Variants in DPP10 observed in about 807,000 individuals in gnomAD.
DPP10 encodes inactive dipeptidyl peptidase 10.
In DPP10, 33 loss-of-function variants were observed where a neutral mutation model predicts 120.9. That is an observed-to-expected ratio of 0.27 (90% CI 0.21 to 0.37). DPP10 has a LOEUF of 0.37. Ranked by LOEUF, DPP10 falls within the 10% of genes least tolerant of loss-of-function variation. The pLI is 1.00. For synonymous variants in DPP10, 337 were observed against 326.1 expected, an observed-to-expected ratio of 1.03 and a Z score of -0.36; for missense variants, 816 against 942.8, an observed-to-expected ratio of 0.87 and a Z score of 1.76.
intron 1 of DPP10, among the ~76,000 whole-genome samples, chr2:115,265,268 CAT>C (rs55778302): frequency 0.42 from 60,236 of 142,306 alleles, 13,413 homozygotes; most frequent in Non-Finnish European, 0.53. Context: ...CTTTGGATTC[CAT>C]ATATATATAT....
At chr2:115,188,294 G>A (rs146697383) in intron 1 of DPP10, among the ~76,000 whole-genome samples, 1 of 152,162 alleles carries the variant, frequency 6.6e-6, no homozygotes, top group African/African-American at 2.4e-5. Context: ...CAGGCAAAGA[G>A]CTAGTTGAGA....
intron 1 of DPP10, among the ~76,000 whole-genome samples, chr2:115,126,914 T>C (rs2050111235): frequency 6.6e-6 from 1 of 152,218 alleles, no homozygotes; most frequent in South Asian, 2.1e-4. Flanking sequence ...GATACCTACC[T>C]AAAACCACAA....
intron 1 of DPP10, among the ~76,000 whole-genome samples, chr2:115,187,649 T>C (rs561286804): frequency 6.6e-6 from 1 of 152,178 alleles, no homozygotes; most frequent in African/African-American, 2.4e-5. Flanking sequence ...ATGGAATCTG[T>C]AAATTTTAAA....
chr2:114,870,249 T>G (rs1286499238), intron 1 of DPP10, among the ~76,000 whole-genome samples: 2 of 152,208 alleles, frequency 1.3e-5, no homozygotes, highest in African/African-American at 2.4e-5. Flanking sequence ...CTTGATTTTC[T>G]TTTTAGTAAA....
At chr2:115,402,765 A>G (rs1232672613) in intron 3 of DPP10, among the ~76,000 whole-genome samples, 2 of 150,312 alleles carry the variant, frequency 1.3e-5, no homozygotes, top group East Asian at 1.9e-4. Context: ...AAACTGAAGT[A>G]TAAACAATGC....
At chr2:115,232,450 G>A (rs903878295) in intron 1 of DPP10, among the ~76,000 whole-genome samples, 38 of 152,106 alleles carry the variant, frequency 2.5e-4, no homozygotes, top group Admixed American at 5.9e-4. Flanking sequence ...TAATTATTTT[G>A]CTTACAATGT....
At chr2:114,770,645 T>C (rs1681165957) in intron 1 of DPP10, among the ~76,000 whole-genome samples, 1 of 152,218 alleles carries the variant, frequency 6.6e-6, no homozygotes. Flanking sequence ...TGCACATTTG[T>C]ATAACTGGGG....
intron 1 of DPP10, among the ~76,000 whole-genome samples, chr2:114,846,294 A>G (rs991744034): frequency 2.0e-5 from 3 of 152,160 alleles, no homozygotes; most frequent in Non-Finnish European, 2.9e-5. Context: ...AAGCCATGAC[A>G]TTCAAGTAAT....
At chr2:115,372,015 T>C (rs2065442709) in intron 3 of DPP10, among the ~76,000 whole-genome samples, 1 of 152,156 alleles carries the variant, frequency 6.6e-6, no homozygotes, top group Admixed American at 6.5e-5. Context: ...TGCTAATTTT[T>C]CTCCTAATGA....
intron 3 of DPP10, among the ~76,000 whole-genome samples, chr2:115,379,012 T>C (rs1490494562): frequency 6.6e-6 from 1 of 152,220 alleles, no homozygotes; most frequent in Non-Finnish European, 1.5e-5. Flanking sequence ...TCTAACATTC[T>C]CTTTTTTGGT....
chr2:115,304,559 T>C (rs1442366409), intron 1 of DPP10, among the ~76,000 whole-genome samples: 1 of 152,100 alleles, frequency 6.6e-6, no homozygotes, highest in Non-Finnish European at 1.5e-5. Context: ...GATTTTTCCT[T>C]GTATTTTCTC....
rs142009548 is a variant in DPP10 at position 115,080,796 on chromosome 2, C to T, written c.61-228443C>T. 5.3e-5 allele frequency among the ~76,000 whole-genome samples: 8 copies of T among 152,296 alleles called. 1 individual carries two copies. The East Asian group carries it at 1.5e-3, about 29-fold the overall frequency. On this transcript the variant is annotated intron_variant, in intron 1 of 25. Transcript: ENST00000410059. ...CATTTTCTCTCTGTCTACAGTTCAT[C>T]TCTTAGAATGACTTTAGTGAAAGTT...
intron 1 of DPP10, among the ~76,000 whole-genome samples, chr2:114,457,761 G>C (rs1006545453): frequency 1.3e-5 from 2 of 152,066 alleles, no homozygotes; most frequent in Non-Finnish European, 2.9e-5. Context: ...CCAACACTTA[G>C]GTATTGAGTG....
At chr2:115,505,111 C>G (rs2076872731) in intron 4 of DPP10, among the ~76,000 whole-genome samples, 1 of 151,904 alleles carries the variant, frequency 6.6e-6, no homozygotes, top group South Asian at 2.1e-4. Context: ...ATGGTAGGAC[C>G]ATTTTATTGT....
At chr2:115,203,536 G>T (rs1308805826) in intron 1 of DPP10, among the ~76,000 whole-genome samples, 2 of 151,926 alleles carry the variant, frequency 1.3e-5, no homozygotes, top group African/African-American at 4.8e-5. Context: ...CAGAACTAAG[G>T]GTGATATGCT....
Position 114,709,010 on chromosome 2 carries a change from C to A in DPP10, c.60+266172C>A, listed in dbSNP as rs557196727. On this transcript the variant is annotated intron_variant, in intron 1 of 25. Coordinates refer to ENST00000410059, the MANE Select transcript of DPP10 (RefSeq NM_020868.6). ...GCCTCAAGGGACCCACCCGCCTCTGCCTCCCAAAGTGCTGGGATTTCAGGC... is the reference window on the plus strand; with the variant it reads ...GCCTCAAGGGACCCACCCGCCTCTGACTCCCAAAGTGCTGGGATTTCAGGC... Among the ~76,000 whole-genome samples the A allele has an allele frequency of 3.3e-5, 5 of 152,328 alleles. No individual in the cohort carries two copies. In the East Asian group the frequency reaches 9.7e-4, roughly 29 times the overall value.
rs143212349 is a variant in DPP10, at chr2:115,770,035, G to A, written c.1221+1631G>A. ...TAGTGAAGGATAGGAAAAGTTGTACGTCTTTGTGTATGTAATTCCCCAAAG... is the reference window on the plus strand; with the variant it reads ...TAGTGAAGGATAGGAAAAGTTGTACATCTTTGTGTATGTAATTCCCCAAAG... On this transcript the variant is annotated intron_variant, in intron 13 of 25. Transcript: ENST00000410059. Among the ~76,000 whole-genome samples the A allele has an allele frequency of 6.5e-4, 99 of 152,126 alleles. 1 individual carries two copies. The East Asian group carries it at 8.5e-3, about 13-fold the overall frequency.
chr2:115,264,905 A>AT (rs2059398928), intron 1 of DPP10, among the ~76,000 whole-genome samples: 1 of 152,178 alleles, frequency 6.6e-6, no homozygotes, highest in Non-Finnish European at 1.5e-5. Flanking sequence ...TCATAAGAAA[A>AT]TCATGAATTT....
At chr2:115,616,985 A>T (rs541595409) in intron 5 of DPP10, among the ~76,000 whole-genome samples, 1 of 151,660 alleles carries the variant, frequency 6.6e-6, no homozygotes, top group South Asian at 2.1e-4. Context: ...ACTTACCCTC[A>T]CTAGAAGTCC....
Sources: allele counts gnomAD v4.1 joint callset (sites outside exome capture counted in the v4.1 genomes callset), GRCh38; gene constraint gnomAD v4.1.1; transcripts MANE v1.5; gene names NCBI Gene and HGNC (gene_info 2026-07-23, HGNC 2026-07-21).